Variants in GPC3 observed in about 807,000 individuals in gnomAD.
GPC3 encodes glypican-3.
In GPC3, 3 loss-of-function variants were observed where a neutral mutation model predicts 34.4. That is an observed-to-expected ratio of 0.09 (90% CI 0.04 to 0.23). GPC3 has a LOEUF of 0.23. Ranked by LOEUF, GPC3 falls within the 10% of genes least tolerant of loss-of-function variation. The probability of loss-of-function intolerance (pLI) is 1.00; values close to 1 mark genes in which losing one functional copy is unlikely to be tolerated. For synonymous variants in GPC3, 177 were observed against 174.0 expected (o/e 1.02, Z -0.13); for missense variants, 351 against 445.6 (o/e 0.79, Z 1.91).
In GPC3 at chrX:133,595,661, G is replaced by A. The variant is rs187553704; in HGVS notation, c.1573+779C>T. ...TCCTCCCAAGTAGCTGGGACAATAG[G>A]CGTACCACCACACCCTGCTAATTTT... On this transcript the variant is annotated intron_variant, in intron 7 of 7. Coordinates refer to ENST00000370818, the MANE Select transcript of GPC3 (RefSeq NM_004484.4). Among the ~76,000 whole-genome samples, 6 of 110,729 alleles carry A rather than the reference G, an allele frequency of 5.4e-5. No individual in the cohort carries two copies. In the East Asian group the frequency reaches 1.7e-3, roughly 32 times the overall value.
intron 2 of GPC3, among the ~76,000 whole-genome samples, chrX:133,883,759 T>C (rs2076051567): frequency 8.9e-6 from 1 of 112,022 alleles, no homozygotes; most frequent in African/African-American, 3.2e-5. Context: ...TTTATTTGTG[T>C]TCAGTTTTAG....
At position 133,535,800 on chromosome X, in the gene GPC3, T is replaced by C. The variant is rs1437630879; in HGVS notation, c.*324A>G. The C allele has an allele frequency of 3.7e-6, 1 of 268,888 alleles. No individual in the cohort carries two copies. Among genetic ancestry groups the C allele is most frequent in the Non-Finnish European group, 6.5e-6 (1 of 152,766 alleles). The allele number at this position is 268,888 out of a possible 1,213,427, so 22.2% of individuals were successfully genotyped here. Reference sequence around the variant, plus strand: ...AGAAATCCATGCAAAGAGAGAACGATAGAAAGGGAGGGAGTGAGAGAGAAA... The same window carrying C: ...AGAAATCCATGCAAAGAGAGAACGACAGAAAGGGAGGGAGTGAGAGAGAAA... On this transcript the variant is annotated 3_prime_UTR_variant, in exon 8 of 8. Transcript: ENST00000370818.
At position 133,703,529 on chromosome X, in the gene GPC3, C is replaced by T. The variant is rs775081214; in HGVS notation, c.1033-3501G>A. ...AGGCTGGAGTGCAGTGGTGCAATCTCGGCTCACTGCAAGCTCTGCCTCCTG... is the reference window on the plus strand; with the variant it reads ...AGGCTGGAGTGCAGTGGTGCAATCTTGGCTCACTGCAAGCTCTGCCTCCTG... On this transcript the variant is annotated intron_variant, in intron 3 of 7. Transcript: ENST00000370818. 1.6e-4 allele frequency among the ~76,000 whole-genome samples: 17 copies of T among 106,887 alleles called. No homozygotes were observed. In the East Asian group the frequency reaches 1.8e-3, roughly 11 times the overall value. 92.8% of individuals were successfully genotyped at this position (106,887 alleles called of 115,157 possible). A position where few individuals can be genotyped will look rare whatever the true frequency, so the allele number is the denominator to read the frequency against.
intron 2 of GPC3, among the ~76,000 whole-genome samples, chrX:133,893,114 A>G (rs1330527892): frequency 9.0e-6 from 1 of 111,068 alleles, no homozygotes; most frequent in Non-Finnish European, 1.9e-5. Flanking sequence ...AATATTAGCC[A>G]GACGTAGTGG....
intron 3 of GPC3, among the ~76,000 whole-genome samples, chrX:133,737,185 T>A (rs947924022): frequency 1.8e-5 from 2 of 112,144 alleles, no homozygotes; most frequent in Non-Finnish European, 3.8e-5. Flanking sequence ...AGGTCGGTGG[T>A]TATCAGAGGT....
chrX:133,543,247 T>C (rs1461664414), intron 7 of GPC3, among the ~76,000 whole-genome samples: 1 of 110,924 alleles, frequency 9.0e-6, no homozygotes, highest in African/African-American at 3.3e-5. Flanking sequence ...GCCTCCTGAG[T>C]AGCTGGGATT....
intron 2 of GPC3, among the ~76,000 whole-genome samples, chrX:133,937,321 A>G (rs1420785371): frequency 9.0e-6 from 1 of 111,363 alleles, no homozygotes; most frequent in Non-Finnish European, 1.9e-5. Flanking sequence ...CTTAATTATA[A>G]TAAACCTACA....
chrX:133,847,397 C>T (rs1287222484), intron 2 of GPC3, among the ~76,000 whole-genome samples: 2 of 112,122 alleles, frequency 1.8e-5, no homozygotes, highest in Non-Finnish European at 3.8e-5. Flanking sequence ...TCTTATCATA[C>T]GAATTGCGGA....
chrX:133,706,706 G>C, intron 3 of GPC3, among the ~76,000 whole-genome samples: 1 of 112,087 alleles, frequency 8.9e-6, no homozygotes, highest in South Asian at 3.7e-4. Context: ...AAAAACAACA[G>C]ATGCTGGTGA....
intron 7 of GPC3, among the ~76,000 whole-genome samples, chrX:133,592,940 C>A (rs1177969646): frequency 3.6e-5 from 4 of 111,331 alleles, no homozygotes; most frequent in African/African-American, 1.3e-4. Context: ...ACCCCAAGAC[C>A]TATTTTCTTT....
chrX:133,821,936 A>G (rs989242717), intron 2 of GPC3, among the ~76,000 whole-genome samples: 4 of 111,886 alleles, frequency 3.6e-5, no homozygotes, highest in Non-Finnish European at 5.6e-5. Context: ...CCCAGAAAAC[A>G]GATAACGGTA....
At position 133,626,290 on chromosome X, in the gene GPC3, G is replaced by A. The variant is rs762672752; in HGVS notation, c.1414-29691C>T. On this transcript the variant is annotated intron_variant, in intron 6 of 7. Transcript: ENST00000370818. Reference sequence around the variant, plus strand: ...TATGACTAAAACACCAAAAGCAATGGCAACAAAAGCCAAAATTGACAAATG... The same window carrying A: ...TATGACTAAAACACCAAAAGCAATGACAACAAAAGCCAAAATTGACAAATG... 4.1e-3 allele frequency among the ~76,000 whole-genome samples: 453 copies of A among 111,618 alleles called. 2 individuals are homozygous for A. Among genetic ancestry groups the A allele is most frequent in the African/African-American group, 0.014 (432 of 30,770 alleles).
At chrX:133,650,452 C>T in intron 6 of GPC3, among the ~76,000 whole-genome samples, 1 of 92,018 alleles carries the variant, frequency 1.1e-5, no homozygotes, top group Non-Finnish European at 2.2e-5. Flanking sequence ...CACCCACACA[C>T]CCACCCACAC....
chrX:133,639,041 T>C (rs115884690), intron 6 of GPC3, among the ~76,000 whole-genome samples: 5,716 of 110,705 alleles, frequency 0.052, 389 homozygotes, highest in African/African-American at 0.18. Context: ...TTCCACTTCA[T>C]TATCCCAACC....
intron 3 of GPC3, among the ~76,000 whole-genome samples, chrX:133,745,973 A>T (rs2071608221): frequency 1.8e-5 from 2 of 112,223 alleles, no homozygotes; most frequent in African/African-American, 6.5e-5. Context: ...CATCTATTAT[A>T]AAATATTTGA....
intron 7 of GPC3, among the ~76,000 whole-genome samples, chrX:133,553,873 C>T (rs1452898307): frequency 1.8e-5 from 2 of 111,578 alleles, no homozygotes; most frequent in Admixed American, 9.5e-5. Context: ...CACTATAATC[C>T]AATTTTAGAT....
At chrX:133,706,596 GA>G (rs1434097074) in intron 3 of GPC3, among the ~76,000 whole-genome samples, 1 of 112,141 alleles carries the variant, frequency 8.9e-6, no homozygotes, top group African/African-American at 3.2e-5. Context: ...ATAAAGATAT[GA>G]AAAAATGCTT....
At chrX:133,555,240 TC>T (rs2069476993) in intron 7 of GPC3, among the ~76,000 whole-genome samples, 1 of 112,026 alleles carries the variant, frequency 8.9e-6, no homozygotes, top group Non-Finnish European at 1.9e-5. Context: ...GAAACTTGGT[TC>T]CCCCTTACAC....
At chrX:133,747,420 T>C (rs2071621959) in intron 3 of GPC3, among the ~76,000 whole-genome samples, 1 of 111,749 alleles carries the variant, frequency 8.9e-6, no homozygotes, top group Non-Finnish European at 1.9e-5. Context: ...TAGTACTTCA[T>C]TGGGAAATAC....
Sources: allele counts gnomAD v4.1 joint callset (sites outside exome capture counted in the v4.1 genomes callset), GRCh38; gene constraint gnomAD v4.1.1; transcripts MANE v1.5; gene names NCBI Gene and HGNC (gene_info 2026-07-23, HGNC 2026-07-21).